CNGB3: variants seen among roughly 807,000 people sequenced by gnomAD.
CNGB3 encodes cyclic nucleotide-gated channel beta-3.
CNGB3 carries 86 observed loss-of-function variants against 92.8 expected under a neutral mutation model. That is an observed-to-expected ratio of 0.93 (90% CI 0.78 to 1.11). CNGB3 has a LOEUF of 1.11. Ranked by LOEUF, CNGB3 falls within the 50% of genes least tolerant of loss-of-function variation. The pLI is 0.00. For missense variants in CNGB3, 1,026 were observed against 956.8 expected (o/e 1.07, Z -0.95); for synonymous variants, 333 against 332.7 (o/e 1.00, Z -0.01).
At chr8:86,644,004 G>T in intron 9 of CNGB3, 131 bp from the exon 10 acceptor site, 5 of 866,646 alleles carry the variant, frequency 5.8e-6, no homozygotes, top group Non-Finnish European at 9.0e-6. Flanking sequence ...ACTCTCATTA[G>T]TACAGTACAA....
chr8:86,654,143 C>A (rs1189718133), intron 6 of CNGB3, 81 bp from the exon 7 acceptor site: 1 of 944,116 alleles, frequency 1.1e-6, no homozygotes, highest in African/African-American at 1.6e-5. Context: ...ATAACTGTTT[C>A]TCTTGGTTGG....
rs191650317 is a variant in CNGB3, at chr8:86,671,895, C to G, written c.339-797G>C. 2.8e-3 allele frequency among the ~76,000 whole-genome samples: 433 copies of G among 152,302 alleles called. 3 individuals carry two copies. The highest frequency in any genetic ancestry group is 0.01 in the African/African-American group (420 of 41,554). On this transcript the variant is annotated intron_variant, in intron 3 of 17. Transcript: ENST00000320005. ...GATTTCAGCCTTGTGAGACCTGAAG[C>G]CAAGAACCCGGTTGAGCCCACTCAG...
rs536418959 is a variant in CNGB3 at position 86,652,743 on chromosome 8, T to C, written c.903+1269A>G. On this transcript the variant is annotated intron_variant, in intron 7 of 17. Coordinates refer to ENST00000320005, the MANE Select transcript of CNGB3 (RefSeq NM_019098.5). ...CTCCATAACATGGGTGGAGCTGTCA[T>C]TTCCTATAATAACAATGCCTTCTTC... Among the ~76,000 whole-genome samples, 14 of 152,152 alleles carry C rather than the reference T, an allele frequency of 9.2e-5. No individual in the cohort carries two copies. The South Asian group carries it at 2.5e-3, about 27-fold the overall frequency.
At chr8:86,661,326 A>C (rs1823636448) in intron 6 of CNGB3, 3 of 397,134 alleles carry the variant, frequency 7.6e-6, no homozygotes, top group Admixed American at 6.4e-5. Flanking sequence ...CCACTGAATA[A>C]ATCCTTTTCA....
intron 1 of CNGB3, among the ~76,000 whole-genome samples, chr8:86,740,225 G>A (rs964196981): frequency 2.0e-5 from 3 of 152,172 alleles, no homozygotes; most frequent in African/African-American, 7.2e-5. Flanking sequence ...TACAGGGGCA[G>A]AGTGAAACAA....
At chr8:86,712,940 A>G (rs1824777816) in intron 3 of CNGB3, among the ~76,000 whole-genome samples, 1 of 151,654 alleles carries the variant, frequency 6.6e-6, no homozygotes, top group Admixed American at 6.6e-5. Context: ...CTTTATAACC[A>G]ACTTAACTAG....
intron 7 of CNGB3, among the ~76,000 whole-genome samples, chr8:86,648,303 G>A (rs758184854): frequency 8.4e-4 from 127 of 151,218 alleles, no homozygotes; most frequent in Non-Finnish European, 1.6e-3. Flanking sequence ...ATATTTTTAT[G>A]TTTCAGCCAA....
At chr8:86,694,190 T>C (rs1586020939) in intron 3 of CNGB3, among the ~76,000 whole-genome samples, 1 of 112,168 alleles carries the variant, frequency 8.9e-6, no homozygotes, top group Non-Finnish European at 1.8e-5. Flanking sequence ...CCCCCCCACC[T>C]CCCTCCCGGA....
Position 86,671,096 on chromosome 8 carries a change from G to A in CNGB3, c.341C>T (p.Pro114Leu). Reference protein sequence around the residue: ...MDPGKEGPNSPQNKPPAAPVI... With the variant: ...MDPGKEGPNSLQNKPPAAPVI... ...AGGAGCTGCAGGCGGTTTGTTTTGT[G>A]GGCTAAATGAGAAAAAAAATGGCAA... is the stretch of plus-strand genomic sequence containing the variant. The change falls in exon 4 of 18, where the codon CCA becomes CTA. Residue 114 changes from proline to leucine, a missense_variant and splice_region_variant. Transcript: ENST00000320005. 4 of 1,613,282 alleles carry A rather than the reference G, an allele frequency of 2.5e-6. No individual in the cohort carries two copies. Among genetic ancestry groups the A allele is most frequent in the Non-Finnish European group, 2.5e-6 (3 of 1,179,886 alleles).
At chr8:86,578,070 C>T (rs576875661) in intron 17 of CNGB3, among the ~76,000 whole-genome samples, 15 of 151,970 alleles carry the variant, frequency 9.9e-5, no homozygotes, top group Admixed American at 7.9e-4. Context: ...CCACCATGCC[C>T]GGCTAATTTT....
chr8:86,601,342 A>G (rs928764391), intron 15 of CNGB3, among the ~76,000 whole-genome samples: 2 of 152,182 alleles, frequency 1.3e-5, no homozygotes, highest in Admixed American at 1.3e-4. Context: ...CCACAAGGCC[A>G]TCTCTCAGCA....
At position 86,664,039 on chromosome 8, in the gene CNGB3, T is replaced by C. The variant is rs779998339; in HGVS notation, c.852+2886A>G. ...GAGGTTGAAATTAGTGTTCCTTTTG[T>C]TGTTGTTTACTTCTTATTTGTACAC... On this transcript the variant is annotated intron_variant, in intron 6 of 17. Coordinates refer to ENST00000320005, the MANE Select transcript of CNGB3 (RefSeq NM_019098.5). Among the ~76,000 whole-genome samples the C allele has an allele frequency of 5.3e-5, 8 of 152,342 alleles. No individual in the cohort carries two copies. In the East Asian group the frequency reaches 7.7e-4, roughly 15 times the overall value.
In CNGB3 at chr8:86,661,617, GTTC is replaced by G. The variant is rs1029472968; in HGVS notation, c.852+5305_852+5307del. Reference sequence around the variant, plus strand: ...TCCTCCAACTTTTTCCCACTAATAAGTTCTTCTTTCTTCATCTTACAGTGATTT... The same window carrying G: ...TCCTCCAACTTTTTCCCACTAATAAGTTCTTTCTTCATCTTACAGTGATTT... On this transcript the variant is annotated intron_variant, in intron 6 of 17. Coordinates refer to ENST00000320005, the MANE Select transcript of CNGB3 (RefSeq NM_019098.5). 8 of 809,888 alleles carry G rather than the reference GTTC, an allele frequency of 9.9e-6. No individual in the cohort carries two copies. The Admixed American group carries it at 1.1e-4, about 11-fold the overall frequency. 50.2% of individuals were successfully genotyped at this position (809,888 alleles called of 1,614,324 possible).
intron 3 of CNGB3, among the ~76,000 whole-genome samples, chr8:86,705,378 A>G (rs1824633478): frequency 6.6e-6 from 1 of 152,136 alleles, no homozygotes; most frequent in Non-Finnish European, 1.5e-5. Flanking sequence ...AGTAAAAAAA[A>G]AGTGCTGGCA....
At chr8:86,592,881 T>C (rs972667780) in intron 15 of CNGB3, among the ~76,000 whole-genome samples, 1 of 152,208 alleles carries the variant, frequency 6.6e-6, no homozygotes, top group Non-Finnish European at 1.5e-5. Context: ...TTCATCTTTG[T>C]CAACATTATT....
chr8:86,711,892 ATACT>A lies in CNGB3; in HGVS notation c.338+14635_338+14638del, dbSNP rs567633812. ...AGTATATAAATATTATGTATAATAAATACTTATATATGTACTATGAGTAATTACT... is the reference window on the plus strand; with the variant it reads ...AGTATATAAATATTATGTATAATAAATATATATGTACTATGAGTAATTACT... On this transcript the variant is annotated intron_variant, in intron 3 of 17. Transcript: ENST00000320005. Among the ~76,000 whole-genome samples, 754 of 150,826 alleles carry A rather than the reference ATACT, an allele frequency of 5.0e-3. 4 individuals carry two copies. The highest frequency in any genetic ancestry group is 0.017 in the African/African-American group (711 of 41,210).
chr8:86,617,137 A>G (rs1822636320), intron 13 of CNGB3, among the ~76,000 whole-genome samples: 1 of 152,240 alleles, frequency 6.6e-6, no homozygotes, highest in Admixed American at 6.5e-5. Context: ...GATTCACAAC[A>G]GAGCCATAGG....
chr8:86,659,120 G>A, intron 6 of CNGB3: 2 of 717,986 alleles, frequency 2.8e-6, no homozygotes, highest in Admixed American at 4.0e-5. Flanking sequence ...TGGCCAAGCT[G>A]GTCTCCAGCT....
chr8:86,684,740 C>T (rs1824151065), intron 3 of CNGB3, among the ~76,000 whole-genome samples: 1 of 151,066 alleles, frequency 6.6e-6, no homozygotes, highest in African/African-American at 2.4e-5. Context: ...AAAAGCCAAT[C>T]TCTAAAGACT....
Sources: gnomAD v4.1 joint callset for allele counts (sites outside exome capture counted in the v4.1 genomes callset) on GRCh38, gnomAD v4.1.1 for gene constraint, MANE v1.5 for transcripts, NCBI Gene and HGNC (gene_info 2026-07-23, HGNC 2026-07-21) for gene names.